Variants in CNTLN observed in about 807,000 individuals in gnomAD.
CNTLN encodes the protein centlein.
CNTLN carries 212 observed loss-of-function variants against 180.0 expected under a neutral mutation model. That is an observed-to-expected ratio of 1.18 (90% CI 1.05 to 1.32). CNTLN has a LOEUF of 1.32. CNTLN is among the 40% of genes most tolerant of loss of function. The probability of loss-of-function intolerance (pLI) is 0.00; values close to 1 mark genes in which losing one functional copy is unlikely to be tolerated. For missense variants in CNTLN, 2,095 were observed against 1,610.9 expected (o/e 1.30, Z -5.14); for synonymous variants, 722 against 563.1 (o/e 1.28, Z -3.99).
intron 18 of CNTLN, among the ~76,000 whole-genome samples, chr9:17,426,187 T>G (rs981138913): frequency 7.2e-5 from 11 of 152,158 alleles, no homozygotes; most frequent in Non-Finnish European, 1.6e-4. Flanking sequence ...ATTTTCTGGA[T>G]GGGCCAATAG....
chr9:17,341,131 A>G (rs1448498689), intron 11 of CNTLN, among the ~76,000 whole-genome samples, 183 bp downstream of exon 11: 1 of 152,234 alleles, frequency 6.6e-6, no homozygotes, highest in Non-Finnish European at 1.5e-5. Flanking sequence ...GGTAATAACT[A>G]TAGATTTTCC....
intron 8 of CNTLN, among the ~76,000 whole-genome samples, chr9:17,312,505 G>C (rs925451020): frequency 1.2e-4 from 18 of 149,554 alleles, no homozygotes; most frequent in African/African-American, 4.4e-4. Context: ...TCCTGCCTCA[G>C]CCTCCTGAGT....
At chr9:17,169,228 G>A (rs2131637261) in intron 2 of CNTLN, among the ~76,000 whole-genome samples, 1 of 152,150 alleles carries the variant, frequency 6.6e-6, no homozygotes, top group Non-Finnish European at 1.5e-5. Context: ...TGAACTCCTG[G>A]GTTCAAGCAT....
intron 2 of CNTLN, among the ~76,000 whole-genome samples, chr9:17,211,706 T>C (rs559277431): frequency 6.6e-6 from 1 of 151,774 alleles, no homozygotes; most frequent in African/African-American, 2.4e-5. Flanking sequence ...GTTCTTCCAT[T>C]TGTTTATGTC....
chr9:17,340,286 C>G (rs954930386), intron 10 of CNTLN, among the ~76,000 whole-genome samples: 4 of 152,164 alleles, frequency 2.6e-5, no homozygotes, highest in Non-Finnish European at 5.9e-5. Context: ...TCCAGTTCTT[C>G]ATGGTACAAC....
chr9:17,491,680 C>T (rs565489918), intron 25 of CNTLN, among the ~76,000 whole-genome samples: 34 of 152,120 alleles, frequency 2.2e-4, no homozygotes, highest in African/African-American at 7.9e-4. Context: ...TGTTTGCCTT[C>T]AGTTTTTGAG....
intron 10 of CNTLN, among the ~76,000 whole-genome samples, chr9:17,334,161 G>A (rs1303614655): frequency 1.3e-5 from 2 of 152,096 alleles, no homozygotes; most frequent in African/African-American, 4.8e-5. Flanking sequence ...CCAGGTTCGA[G>A]CTATTCTTCT....
chr9:17,525,980 G>T, the CNTLN span, among the ~76,000 whole-genome samples: 1 of 151,802 alleles, frequency 6.6e-6, no homozygotes, highest in Non-Finnish European at 1.5e-5. Context: ...CTGTCGCCCA[G>T]GCTGGAGTGC....
rs559406104 is a variant in CNTLN at position 17,415,763 on chromosome 9, A to G, written c.2797-25A>G. 1.8e-5 allele frequency: 24 copies of G among 1,364,906 alleles called. No individual in the cohort carries two copies. In the East Asian group the frequency reaches 5.5e-4, roughly 31 times the overall value. The allele number at this position is 1,364,906 out of a possible 1,614,324, so 84.5% of individuals were successfully genotyped here. The stretch of plus-strand genomic sequence containing the variant: ...GATGTTGTTATTGAAGAATAATACC[A>G]TTTTTATGAAATCTTCAAATTTAGG... On this transcript the variant is annotated intron_variant, in intron 16 of 25. Coordinates refer to ENST00000380647, the MANE Select transcript of CNTLN (RefSeq NM_017738.4).
At chr9:17,230,264 G>A (rs1057208484) in intron 3 of CNTLN, among the ~76,000 whole-genome samples, 2 of 152,170 alleles carry the variant, frequency 1.3e-5, no homozygotes, top group African/African-American at 2.4e-5. Context: ...GTAGGGTTGT[G>A]TTTACATGTT....
At chr9:17,136,406 T>G (rs1278048977) in intron 1 of CNTLN, among the ~76,000 whole-genome samples, 1 of 152,250 alleles carries the variant, frequency 6.6e-6, no homozygotes, top group East Asian at 1.9e-4. Context: ...CTCAGCTCAC[T>G]GCAAGCTCCG....
chr9:17,206,237 C>A (rs964876697), intron 2 of CNTLN, among the ~76,000 whole-genome samples: 1 of 152,056 alleles, frequency 6.6e-6, no homozygotes, highest in Admixed American at 6.6e-5. Context: ...TTAACCAAAC[C>A]AAACAGTCTA....
chr9:17,280,259 C>T (rs941364219), intron 6 of CNTLN, among the ~76,000 whole-genome samples: 1 of 152,154 alleles, frequency 6.6e-6, no homozygotes, highest in Non-Finnish European at 1.5e-5. Context: ...TGTTGGTTCT[C>T]AGTATCTTCT....
chr9:17,188,609 A>C (rs1488870502), intron 2 of CNTLN, among the ~76,000 whole-genome samples: 1 of 152,168 alleles, frequency 6.6e-6, no homozygotes, highest in Non-Finnish European at 1.5e-5. Flanking sequence ...CAAATAATTC[A>C]ACTCTATTTC....
At chr9:17,256,728 C>T (rs1244236463) in intron 5 of CNTLN, among the ~76,000 whole-genome samples, 1 of 151,808 alleles carries the variant, frequency 6.6e-6, no homozygotes, top group African/African-American at 2.4e-5. Flanking sequence ...AACAAAATGT[C>T]GTTTAAAAGT....
chr9:17,323,354 C>G (rs181280146), intron 8 of CNTLN, among the ~76,000 whole-genome samples: 24 of 152,198 alleles, frequency 1.6e-4, no homozygotes, highest in Admixed American at 1.6e-3. Flanking sequence ...AACAGTGATC[C>G]GATTTGTTTT....
Position 17,366,659 on chromosome 9 carries a change from A to G in CNTLN, c.1929A>G (p.Ile643Met), listed in dbSNP as rs536163743. 22 of 1,587,202 alleles carry G rather than the reference A, an allele frequency of 1.4e-5. 1 individual carries two copies. The East Asian group carries it at 4.8e-4, about 34-fold the overall frequency. The change falls in exon 13 of 26, where the codon ATA becomes ATG. Residue 643 changes from isoleucine to methionine, a missense_variant. By Grantham distance (10) the Ile-to-Met change is conservative. Transcript: ENST00000380647. ...EEELDELKVHISIDKAAIQEL... is the reference protein window; with the variant it reads ...EEELDELKVHMSIDKAAIQEL... ...AATTAGATGAACTTAAAGTACATAT[A>G]TCTATTGATAAGGCAGCAATACAAG... is the stretch of plus-strand genomic sequence containing the variant.
intron 6 of CNTLN, among the ~76,000 whole-genome samples, chr9:17,293,497 C>G (rs775670422): frequency 3.9e-5 from 6 of 152,212 alleles, no homozygotes; most frequent in Non-Finnish European, 8.8e-5. Flanking sequence ...GCAGGAAGGT[C>G]CCACCCAGTG....
chr9:17,183,071 A>G lies in CNTLN; in HGVS notation c.449+39695A>G, dbSNP rs370353718. ...AGAATCTGTATTTACTAATGATTCT[A>G]GTAGTTAAGTGTATCTGTGAGTAGA... On this transcript the variant is annotated intron_variant, in intron 2 of 25. Transcript: ENST00000380647. Among the ~76,000 whole-genome samples, 23 of 152,324 alleles carry G rather than the reference A, an allele frequency of 1.5e-4. No homozygotes were observed. The East Asian group carries it at 1.5e-3, about 10-fold the overall frequency.
Sources: gnomAD v4.1 joint callset for allele counts (sites outside exome capture counted in the v4.1 genomes callset) on GRCh38, gnomAD v4.1.1 for gene constraint, MANE v1.5 for transcripts, NCBI Gene and HGNC (gene_info 2026-07-23, HGNC 2026-07-21) for gene names.